Variants in FAM171A1 observed in about 807,000 individuals in gnomAD.
The protein encoded by FAM171A1 is family with sequence similarity 171 member A1.
Under a neutral mutation model 74.9 loss-of-function variants are expected in FAM171A1, and 23 were observed. That is an observed-to-expected ratio of 0.31 (90% confidence interval 0.22 to 0.44). FAM171A1 has a LOEUF of 0.44. Ranked by LOEUF, FAM171A1 falls within the 20% of genes least tolerant of loss-of-function variation. The pLI is 1.00. For missense variants in FAM171A1, 1,162 were observed against 1,159.2 expected, an observed-to-expected ratio of 1.00 and a Z score of -0.03; for synonymous variants, 527 against 505.7, an observed-to-expected ratio of 1.04 and a Z score of -0.57.
intron 1 of FAM171A1, 82 bp downstream of exon 1, chr10:15,370,874 C>T (rs1310357266): frequency 1.5e-6 from 1 of 656,422 alleles, no homozygotes; most frequent in Non-Finnish European, 1.9e-6. Context: ...CCGGGACCCT[C>T]CCGCCGCCGC....
At chr10:15,227,552 T>C (rs1834124763) in intron 5 of FAM171A1, among the ~76,000 whole-genome samples, 1 of 151,970 alleles carries the variant, frequency 6.6e-6, no homozygotes, top group East Asian at 1.9e-4. Context: ...CCAACTAACT[T>C]TGGTATTTTT....
intron 6 of FAM171A1, among the ~76,000 whole-genome samples, chr10:15,220,038 A>G (rs567914543): frequency 6.6e-6 from 1 of 152,340 alleles, no homozygotes; most frequent in African/African-American, 2.4e-5. Context: ...TGATAATTCC[A>G]TTGCTAAAAT....
chr10:15,268,484 T>C (rs538256451), intron 3 of FAM171A1, among the ~76,000 whole-genome samples: 3 of 151,978 alleles, frequency 2.0e-5, no homozygotes, highest in South Asian at 2.1e-4. Flanking sequence ...TCAACTTAGG[T>C]AGACGTTTAT....
intron 3 of FAM171A1, among the ~76,000 whole-genome samples, chr10:15,256,068 A>T (rs1216661507): frequency 2.7e-4 from 41 of 152,300 alleles, no homozygotes; most frequent in Non-Finnish European, 4.4e-5. Flanking sequence ...GTTAAGAGAA[A>T]AACTGTAGAT....
chr10:15,269,133 A>C (rs2131789716), intron 3 of FAM171A1, among the ~76,000 whole-genome samples: 1 of 152,186 alleles, frequency 6.6e-6, no homozygotes, highest in East Asian at 1.9e-4. Context: ...CACTTTTTTG[A>C]GACAGGGACT....
At position 15,332,261 on chromosome 10, in the gene FAM171A1, T is replaced by G. The variant is rs190281316; in HGVS notation, c.97+38695A>C. ...GTGAGCCACCACGCCAGGCCAGGACTTGCATTTTAAAGCACTTGTATTTTA... is the reference window on the plus strand; with the variant it reads ...GTGAGCCACCACGCCAGGCCAGGACGTGCATTTTAAAGCACTTGTATTTTA... On this transcript the variant is annotated intron_variant, in intron 1 of 7. Transcript: ENST00000378116. 2.1e-3 allele frequency among the ~76,000 whole-genome samples: 314 copies of G among 152,224 alleles called. 2 individuals are homozygous for G. Among genetic ancestry groups the G allele is most frequent in the African/African-American group, 7.0e-3 (292 of 41,554 alleles).
chr10:15,289,591 C>T (rs925593594), intron 1 of FAM171A1, among the ~76,000 whole-genome samples: 1 of 152,176 alleles, frequency 6.6e-6, no homozygotes, highest in African/African-American at 2.4e-5. Flanking sequence ...CAGTCACCCT[C>T]TTCAGACCTG....
At chr10:15,289,821 G>A (rs1835081633) in intron 1 of FAM171A1, among the ~76,000 whole-genome samples, 1 of 152,198 alleles carries the variant, frequency 6.6e-6, no homozygotes, top group African/African-American at 2.4e-5. Context: ...AGTTTTATTG[G>A]AACACAGCCA....
At chr10:15,363,263 A>G (rs1339799954) in intron 1 of FAM171A1, among the ~76,000 whole-genome samples, 2 of 152,238 alleles carry the variant, frequency 1.3e-5, no homozygotes, top group African/African-American at 4.8e-5. Context: ...CATACTTCGC[A>G]TTATTCTGCA....
Position 15,214,559 on chromosome 10 carries a change from C to G in FAM171A1, c.1029G>C (p.Gln343His). 1 of 1,612,406 alleles carries G rather than the reference C, an allele frequency of 6.2e-7. No homozygotes were observed. The highest frequency in any genetic ancestry group is 1.1e-5 in the South Asian group (1 of 90,798). Residue 343 changes from glutamine (Q) to histidine (H), a missense_variant, in exon 8 of 8, where the codon CAG becomes CAC. Transcript: ENST00000378116. ...TGGAACTCTCCAGTCCTGCAGGGAG[C>G]TGCAGTTTTCTGTGGTGCTGACGAG... is the stretch of plus-strand genomic sequence containing the variant. ...LKPRQHHRKLQLPAGLESSKR... is the reference protein window; with the variant it reads ...LKPRQHHRKLHLPAGLESSKR...
chr10:15,257,547 G>T (rs1834596433), intron 3 of FAM171A1, among the ~76,000 whole-genome samples: 1 of 152,164 alleles, frequency 6.6e-6, no homozygotes, highest in Non-Finnish European at 1.5e-5. Context: ...TTGTGCAGGA[G>T]AATTTGGTCC....
rs769274660 is a variant in FAM171A1, at chr10:15,214,478, C to T, written c.1110G>A (p.Ala370=). 1.3e-5 allele frequency: 21 copies of T among 1,614,044 alleles called. No homozygotes were observed. Among genetic ancestry groups the T allele is most frequent in the Middle Eastern group, 1.6e-4 (1 of 6,084 alleles). Reference sequence around the variant, plus strand: ...CGGACAGCGGGCCAGGGAATTCTGACGCTCGGCGTGAAAACAGCAAGTTAA... The same window carrying T: ...CGGACAGCGGGCCAGGGAATTCTGATGCTCGGCGTGAAAACAGCAAGTTAA... ...SHINLLFSRR[A]SEFPGPLSVT... The change falls in exon 8 of 8, where the codon GCG becomes GCA. Residue 370 remains alanine (A), a synonymous_variant. Coordinates refer to ENST00000378116, the MANE Select transcript of FAM171A1 (RefSeq NM_001010924.2).
intron 4 of FAM171A1, among the ~76,000 whole-genome samples, chr10:15,250,414 C>T (rs1834492822): frequency 6.6e-6 from 1 of 152,250 alleles, no homozygotes; most frequent in Non-Finnish European, 1.5e-5. Context: ...GCCAGGTCTA[C>T]AATCTACTGC....
intron 1 of FAM171A1, among the ~76,000 whole-genome samples, chr10:15,338,127 G>T (rs1835725636): frequency 6.6e-6 from 1 of 152,156 alleles, no homozygotes; most frequent in African/African-American, 2.4e-5. Flanking sequence ...AGGATGATCT[G>T]CTCAAAGTTT....
chr10:15,370,584 G>A (rs1588576543), intron 1 of FAM171A1, among the ~76,000 whole-genome samples: 1 of 152,054 alleles, frequency 6.6e-6, no homozygotes, highest in African/African-American at 2.4e-5. Context: ...CGCCCTGGGC[G>A]GCCCCTCTGT....
At chr10:15,218,240 T>A (rs1326842777) in intron 6 of FAM171A1, among the ~76,000 whole-genome samples, 1 of 152,000 alleles carries the variant, frequency 6.6e-6, no homozygotes, top group African/African-American at 2.4e-5. Flanking sequence ...CTACTGTGCC[T>A]GGCAAATTTT....
intron 1 of FAM171A1, among the ~76,000 whole-genome samples, chr10:15,363,867 C>T (rs1194128296): frequency 6.6e-6 from 1 of 152,172 alleles, no homozygotes; most frequent in Non-Finnish European, 1.5e-5. Flanking sequence ...AGTGGCAAGG[C>T]TTGTCGAGGT....
chr10:15,338,311 A>G (rs530544379), intron 1 of FAM171A1, among the ~76,000 whole-genome samples: 1 of 152,362 alleles, frequency 6.6e-6, no homozygotes, highest in African/African-American at 2.4e-5. Context: ...ACTTATTTGT[A>G]TGCTCTTTCC....
chr10:15,280,849 T>A (rs1834959334), intron 2 of FAM171A1, among the ~76,000 whole-genome samples: 5 of 152,240 alleles, frequency 3.3e-5, no homozygotes, highest in Admixed American at 2.6e-4. Flanking sequence ...TTGACTCTGC[T>A]TTTCACAATA....
Sources: allele counts gnomAD v4.1 joint callset (sites outside exome capture counted in the v4.1 genomes callset), GRCh38; gene constraint gnomAD v4.1.1; transcripts MANE v1.5; gene names NCBI Gene and HGNC (gene_info 2026-07-23, HGNC 2026-07-21).